The following MTF1 variants were observed in gnomAD, a reference collection of about 807,000 sequenced individuals.
MTF1 encodes MRE-binding transcription factor.
Under a neutral mutation model 70.4 loss-of-function variants are expected in MTF1, and 22 were observed. The ratio of observed to expected loss-of-function variants is 0.31; its 90% confidence interval spans 0.22 to 0.45. MTF1 has a LOEUF of 0.45. MTF1 is among the 20% of genes least tolerant of loss of function. The probability of loss-of-function intolerance (pLI) is 1.00; values close to 1 mark genes in which losing one functional copy is unlikely to be tolerated. For synonymous variants in MTF1, 333 were observed against 352.8 expected (o/e 0.94, Z 0.63); for missense variants, 649 against 922.0 (o/e 0.70, Z 3.83).
chr1:37,842,775 TA>T (rs750984680), intron 2 of MTF1, among the ~76,000 whole-genome samples: 4 of 151,826 alleles, frequency 2.6e-5, no homozygotes, highest in Non-Finnish European at 5.9e-5. Flanking sequence ...TCACCAGAGC[TA>T]AAGGAAAAAG....
intron 9 of MTF1, among the ~76,000 whole-genome samples, chr1:37,820,286 T>A (rs1000430412): frequency 2.6e-5 from 4 of 152,234 alleles, no homozygotes; most frequent in African/African-American, 9.6e-5. Context: ...AGTACATCCT[T>A]TTCTCCATCT....
At chr1:37,820,877 C>CAAT (rs889106188) in intron 9 of MTF1, among the ~76,000 whole-genome samples, 1 of 151,990 alleles carries the variant, frequency 6.6e-6, no homozygotes, top group Non-Finnish European at 1.5e-5. Context: ...GGAGAAAAAA[C>CAAT]AATAATAATA....
intron 7 of MTF1, among the ~76,000 whole-genome samples, chr1:37,824,877 T>C (rs1640978212): frequency 6.6e-6 from 1 of 152,008 alleles, no homozygotes; most frequent in African/African-American, 2.4e-5. Context: ...GTCAGAGGCA[T>C]TAAAAACAAA....
At chr1:37,819,951 C>A (rs76728082) in intron 9 of MTF1, among the ~76,000 whole-genome samples, 1 of 82,698 alleles carries the variant, frequency 1.2e-5, no homozygotes, top group East Asian at 3.6e-4. Context: ...GACTCTGACT[C>A]AAAAAAAAAA....
At position 37,839,955 on chromosome 1, in the gene MTF1, C is replaced by T. The variant is rs1301036328; in HGVS notation, c.612G>A (p.Val204=). 6.2e-7 allele frequency: 1 copy of T among 1,614,236 alleles called. No individual in the cohort carries two copies. Residue 204 remains valine (V), a synonymous_variant, in exon 3 of 11, where the codon GTG becomes GTA. Transcript: ENST00000373036. ...HTKEKPFECD[V]QGCEKAFNTL... is the part of the protein sequence containing the mutation. Reference sequence around the variant, plus strand: ...TGTTGAATGCCTTCTCACAGCCCTGCACGTCACACTCAAATGGCTTCTCCT... The same window carrying T: ...TGTTGAATGCCTTCTCACAGCCCTGTACGTCACACTCAAATGGCTTCTCCT...
At chr1:37,853,890 C>A (rs1641452675) in intron 2 of MTF1, among the ~76,000 whole-genome samples, 1 of 152,228 alleles carries the variant, frequency 6.6e-6, no homozygotes, top group East Asian at 1.9e-4. Context: ...TCATTTGCAA[C>A]ATCCACAGAG....
chr1:37,839,833 AAAC>A, intron 3 of MTF1, 84 bp downstream of exon 3: 1 of 1,074,366 alleles, frequency 9.3e-7, no homozygotes, highest in East Asian at 2.4e-5. Flanking sequence ...CTGAAAGTGA[AAAC>A]AACTCCTCTG....
At chr1:37,857,772 C>T in intron 1 of MTF1, 63 bp from the exon 2 acceptor site, 1 of 941,406 alleles carries the variant, frequency 1.1e-6, no homozygotes, top group Non-Finnish European at 1.6e-6. Flanking sequence ...CCTCAGCAAC[C>T]ACAAGGCTCA....
Position 37,815,091 on chromosome 1 carries a change from C to A in MTF1, c.*45G>T. On this transcript the variant is annotated 3_prime_UTR_variant, in exon 11 of 11. Coordinates refer to ENST00000373036, the MANE Select transcript of MTF1 (RefSeq NM_005955.3). This position sits in a 1 kb window ranked among gnomAD's most constrained non-coding sequence, Gnocchi z 4.5. ...TGATGGCAGGCATTGTACCTCATGC[C>A]TCCTGCTCACCCGCTTTTCCCAGAG... 6.4e-7 allele frequency: 1 copy of A among 1,556,364 alleles called. No individual in the cohort carries two copies. Among genetic ancestry groups the A allele is most frequent in the Non-Finnish European group, 8.8e-7 (1 of 1,134,948 alleles).
chr1:37,838,625 C>T lies in MTF1; in HGVS notation c.779G>A (p.Arg260Gln), dbSNP rs984280990. 1.2e-6 allele frequency: 2 copies of T among 1,610,632 alleles called. No homozygotes were observed. Among genetic ancestry groups the T allele is most frequent in the Non-Finnish European group, 8.5e-7 (1 of 1,177,810 alleles). The change falls in exon 4 of 11, where the codon CGG becomes CAG. Residue 260 changes from arginine to glutamine, a missense_variant and splice_region_variant. By Grantham distance (43) the Arg-to-Gln change is conservative. Transcript: ENST00000373036. ...IRTHTGEKPFRCDHDGCGKAF... is the reference protein window; with the variant it reads ...IRTHTGEKPFQCDHDGCGKAF... ...ACAAATAGAAAACAGTAAGACCTACCGAAATGGCTTTTCCCCTGTATGAGT... is the reference window on the plus strand; with the variant it reads ...ACAAATAGAAAACAGTAAGACCTACTGAAATGGCTTTTCCCCTGTATGAGT...
chr1:37,857,125 T>C, intron 2 of MTF1, 126 bp downstream of exon 2: 5 of 903,276 alleles, frequency 5.5e-6, no homozygotes, highest in Non-Finnish European at 8.3e-6. Context: ...CATATGTTGT[T>C]GATAGCAAAA....
In MTF1 at chr1:37,835,103, T is replaced by G. The variant is rs1326312094; in HGVS notation, c.966A>C (p.Ala322=). 1.2e-6 allele frequency: 2 copies of G among 1,614,076 alleles called. No individual in the cohort carries two copies. The highest frequency in any genetic ancestry group is 2.7e-5 in the African/African-American group (2 of 74,932). ...GHDNKGHSYN[A]LPQHNGSEDT... ...CCTCTGATCCATTGTGTTGTGGAAG[T>G]GCATTGTATGAGTGTCCTTTGTTAT... The change falls in exon 6 of 11, where the codon GCA becomes GCC. Residue 322 remains alanine, a synonymous_variant. Transcript: ENST00000373036.
chr1:37,822,225 T>G lies in MTF1; in HGVS notation c.1663A>C (p.Thr555Pro), dbSNP rs1569849545. ...TNNPTITITP[T>P]PNTAILQSSL... ...GACTGCAGGATAGCTGTGTTGGGAG[T>G]TGGGGTGATGGTTATTGTGGGATTA... The change falls in exon 9 of 11, where the codon ACT becomes CCT. Residue 555 changes from threonine to proline, a missense_variant. By Grantham distance (38) the Thr-to-Pro change is conservative. Transcript: ENST00000373036. The G allele has an allele frequency of 3.1e-6, 5 of 1,613,904 alleles. No individual in the cohort carries two copies. Among genetic ancestry groups the G allele is most frequent in the East Asian group, 2.2e-5 (1 of 44,876 alleles).
At chr1:37,827,132 A>G (rs748481725) in intron 7 of MTF1, among the ~76,000 whole-genome samples, 2 of 152,124 alleles carry the variant, frequency 1.3e-5, no homozygotes, top group Non-Finnish European at 2.9e-5. Context: ...ACATATCCAT[A>G]TGTGTAACTG....
chr1:37,850,861 T>C (rs1172582190), intron 2 of MTF1, among the ~76,000 whole-genome samples: 1 of 152,036 alleles, frequency 6.6e-6, no homozygotes, highest in Non-Finnish European at 1.5e-5. Flanking sequence ...AATAAGCTGC[T>C]TGGGAAGCCA....
chr1:37,827,709 G>A (rs1641025340), intron 7 of MTF1, among the ~76,000 whole-genome samples: 1 of 152,064 alleles, frequency 6.6e-6, no homozygotes, highest in Admixed American at 6.6e-5. Context: ...ACCAGCCATA[G>A]TTATTACTTT....
At chr1:37,820,439 G>T (rs984066579) in intron 9 of MTF1, among the ~76,000 whole-genome samples, 2 of 152,232 alleles carry the variant, frequency 1.3e-5, no homozygotes, top group African/African-American at 4.8e-5. Context: ...TTTGCCACTT[G>T]TGAGCTCTGT....
In MTF1 at chr1:37,815,678, G is replaced by T; in HGVS notation, c.1832-112C>A. The T allele has an allele frequency of 1.2e-6, 1 of 806,478 alleles. No homozygotes were observed. The allele number at this position is 806,478 out of a possible 1,614,324, so 50.0% of individuals were successfully genotyped here. A position where few individuals can be genotyped will look rare whatever the true frequency, so the allele number is the denominator to read the frequency against. The stretch of plus-strand genomic sequence containing the variant: ...AGAGTGCCATGGGAACCATGGGAAG[G>T]ATGGTTGCCACACTTCGGGCTTCGT... On this transcript the variant is annotated intron_variant, in intron 10 of 10. Transcript: ENST00000373036. This position sits in a 1 kb window ranked among gnomAD's most constrained non-coding sequence, Gnocchi z 4.5.
chr1:37,816,985 G>T lies in MTF1; in HGVS notation c.1831+434C>A, dbSNP rs139647805. ...CTTGGGGGAGTCAATTAATTTTTCTGGGTCCCAGTGTCTTAATCTATAAAA... is the reference window on the plus strand; with the variant it reads ...CTTGGGGGAGTCAATTAATTTTTCTTGGTCCCAGTGTCTTAATCTATAAAA... On this transcript the variant is annotated intron_variant, in intron 10 of 10. Transcript: ENST00000373036. Among the ~76,000 whole-genome samples the T allele has an allele frequency of 2.0e-3, 301 of 152,262 alleles. 2 individuals carry two copies. The highest frequency in any genetic ancestry group is 6.7e-3 in the African/African-American group (277 of 41,554).
Sources: allele counts gnomAD v4.1 joint callset (sites outside exome capture counted in the v4.1 genomes callset), GRCh38; gene constraint gnomAD v4.1.1; non-coding constraint Gnocchi (gnomAD v3.1); transcripts MANE v1.5; gene names NCBI Gene and HGNC (gene_info 2026-07-23, HGNC 2026-07-21).